The following KMT2A variants were observed in gnomAD, a reference collection of about 807,000 sequenced individuals.
KMT2A encodes the protein histone-lysine N-methyltransferase 2A.
In KMT2A, 16 loss-of-function variants were observed where a neutral mutation model predicts 345.3. The observed-to-expected ratio is 0.05, with a 90% CI of 0.03 to 0.07. The LOEUF is 0.07. KMT2A is among the 10% of genes least tolerant of loss of function. The probability of loss-of-function intolerance (pLI) is 1.00; values close to 1 mark genes in which losing one functional copy is unlikely to be tolerated. For synonymous variants in KMT2A, 1,599 were observed against 1,778.6 expected, an observed-to-expected ratio of 0.90 and a Z score of 2.54; for missense variants, 3,272 against 4,841.6, an observed-to-expected ratio of 0.68 and a Z score of 9.62.
intron 1 of KMT2A, among the ~76,000 whole-genome samples, chr11:118,459,252 G>A (rs1591361492): frequency 6.6e-6 from 1 of 152,116 alleles, no homozygotes; most frequent in Non-Finnish European, 1.5e-5. Flanking sequence ...ATTTTTGGTA[G>A]AGACAGGGTT....
chr11:118,484,234 C>T lies in KMT2A; in HGVS notation c.4138C>T (p.Leu1380Phe). Residue 1380 changes from leucine (L) to phenylalanine (F), a missense_variant, in exon 9 of 36, where the codon CTC becomes TTC. This residue lies in a region of KMT2A where 168 missense variants were observed against 216.0 expected (regional missense o/e 0.78). Transcript: ENST00000534358. The surrounding 1 kb of genome is among the most constrained non-coding windows in gnomAD (Gnocchi z 4.1). ...KQENAGTLNI[L>F]STLSNGNSSK... ...GGAGAATGCAGGCACTTTGAACATC[C>T]TCAGCACTCTCTCCAATGGCAATAG... 1 of 1,614,130 alleles carries T rather than the reference C, an allele frequency of 6.2e-7. No individual in the cohort carries two copies. The highest frequency in any genetic ancestry group is 8.5e-7 in the Non-Finnish European group (1 of 1,180,002).
Position 118,504,132 on chromosome 11 carries a change from A to G in KMT2A, c.8240A>G (p.Asn2747Ser), listed in dbSNP as rs782728249. The change falls in exon 27 of 36, where the codon AAT becomes AGT. Residue 2747 changes from asparagine (N) to serine (S), a missense_variant. Physicochemically the swap from Asn to Ser is conservative, Grantham distance 46 (BLOSUM62 1). Around this residue, in one of 27 missense-constraint regions of KMT2A, gnomAD observed 100 missense variants for 101.3 expected, o/e 0.99. Transcript: ENST00000534358. The surrounding 1 kb of genome is among the most constrained non-coding windows in gnomAD (Gnocchi z 6.4). ...AAAAGCAGCCAGATTCCAAAAAGAA[A>G]TGGTAAAGAAAATGGAACAGAGAAC... ...TRKSSQIPKR[N>S]GKENGTENLK... 6.2e-7 allele frequency: 1 copy of G among 1,614,230 alleles called. No individual in the cohort carries two copies. Among genetic ancestry groups the G allele is most frequent in the Non-Finnish European group, 8.5e-7 (1 of 1,180,046 alleles).
In KMT2A at chr11:118,510,250, C is replaced by T. The variant is rs1363839606; in HGVS notation, c.11071+132C>T. On this transcript the variant is annotated intron_variant, in intron 30 of 35. Coordinates refer to ENST00000534358, the MANE Select transcript of KMT2A (RefSeq NM_001197104.2). The surrounding 1 kb of genome is among the most constrained non-coding windows in gnomAD (Gnocchi z 4.1). ...TAGGGGGATACCTGGAGGCATCATA[C>T]ATTTTCCTTGTCCTTGAGAAGTTTG... 9.2e-6 allele frequency: 6 copies of T among 649,382 alleles called. No homozygotes were observed. Among genetic ancestry groups the T allele is most frequent in the Non-Finnish European group, 1.5e-5 (6 of 388,210 alleles). The allele number at this position is 649,382 out of a possible 1,614,324, so 40.2% of individuals were successfully genotyped here.
At chr11:118,471,144 A>G (rs1349205204) in intron 2 of KMT2A, among the ~76,000 whole-genome samples, 1 of 152,214 alleles carries the variant, frequency 6.6e-6, no homozygotes, top group Admixed American at 6.5e-5. Flanking sequence ...GGCAAAACAG[A>G]TTGAAATATG....
Position 118,498,547 on chromosome 11 carries a change from C to T in KMT2A, c.5961+19C>T, listed in dbSNP as rs782470415. The T allele has an allele frequency of 2.0e-6, 3 of 1,499,896 alleles. No homozygotes were observed. The highest frequency in any genetic ancestry group is 1.3e-5 in the South Asian group (1 of 77,850). The allele number at this position is 1,499,896 out of a possible 1,614,324, so 92.9% of individuals were successfully genotyped here. A position where few individuals can be genotyped will look rare whatever the true frequency, so the allele number is the denominator to read the frequency against. On this transcript the variant is annotated intron_variant, in intron 22 of 35. Coordinates refer to ENST00000534358, the MANE Select transcript of KMT2A (RefSeq NM_001197104.2). This position sits in a 1 kb window ranked among gnomAD's most constrained non-coding sequence, Gnocchi z 4.4. ...AGGCGAAGTGAGAGAGCTTTAGTTG[C>T]TTTAAAAAAAAAAAAAAAGACTTTT...
In KMT2A at chr11:118,505,841, G is replaced by C. The variant is rs2134408871; in HGVS notation, c.9949G>C (p.Ala3317Pro). The C allele has an allele frequency of 1.2e-6, 2 of 1,614,084 alleles. No individual in the cohort carries two copies. Among genetic ancestry groups the C allele is most frequent in the Non-Finnish European group, 1.7e-6 (2 of 1,179,992 alleles). ...QSVGGTAATA[A>P]GTSTISQDTS... is the part of the protein sequence containing the mutation. The stretch of plus-strand genomic sequence containing the variant: ...TGTGGGAGGAACTGCTGCCACAGCG[G>C]CAGGCACATCAACAATAAGCCAGGA... The change falls in exon 27 of 36, where the codon GCA becomes CCA. Residue 3317 changes from alanine to proline, a missense_variant. Ala to Pro is a conservative substitution (Grantham distance 27). Coordinates refer to ENST00000534358, the MANE Select transcript of KMT2A (RefSeq NM_001197104.2). This position sits in a 1 kb window ranked among gnomAD's most constrained non-coding sequence, Gnocchi z 4.6.
chr11:118,517,637 C>T (rs1404747367), intron 31 of KMT2A, among the ~76,000 whole-genome samples: 6 of 151,824 alleles, frequency 4.0e-5, no homozygotes, highest in Non-Finnish European at 7.4e-5. Flanking sequence ...GCCAGGAGTT[C>T]AAGATCAGCC....
chr11:118,462,178 TCCTGG>T (rs1949756819), intron 1 of KMT2A, among the ~76,000 whole-genome samples: 1 of 152,106 alleles, frequency 6.6e-6, no homozygotes, highest in Non-Finnish European at 1.5e-5. Flanking sequence ...GATCTCGAAC[TCCTGG>T]CCTCAGGTGA....
intron 3 of KMT2A, among the ~76,000 whole-genome samples, chr11:118,475,473 C>G (rs1555037313): frequency 6.6e-6 from 1 of 152,150 alleles, no homozygotes; most frequent in East Asian, 1.9e-4. Flanking sequence ...CCTGTAATCC[C>G]AGCACTTTGG....
At chr11:118,466,240 G>A (rs1949841756) in intron 1 of KMT2A, among the ~76,000 whole-genome samples, 1 of 152,116 alleles carries the variant, frequency 6.6e-6, no homozygotes, top group Non-Finnish European at 1.5e-5. Context: ...TAAGGCAGGA[G>A]CATTGCTAGA....
intron 1 of KMT2A, among the ~76,000 whole-genome samples, chr11:118,465,252 G>T (rs1949821918): frequency 6.6e-6 from 1 of 151,974 alleles, no homozygotes; most frequent in South Asian, 2.1e-4. Context: ...AGAAAAAAAA[G>T]AAATCTATGA....
chr11:118,445,685 A>G (rs1949403281), intron 1 of KMT2A, among the ~76,000 whole-genome samples: 1 of 152,228 alleles, frequency 6.6e-6, no homozygotes, highest in Non-Finnish European at 1.5e-5. Context: ...TAACTAGTAA[A>G]GAGTAGTGTG....
At chr11:118,513,087 A>G (rs1555050570) in intron 31 of KMT2A, among the ~76,000 whole-genome samples, 1 of 152,118 alleles carries the variant, frequency 6.6e-6, no homozygotes, top group Non-Finnish European at 1.5e-5. Context: ...AAAAATAAAA[A>G]TATATATTAG....
At position 118,473,027 on chromosome 11, in the gene KMT2A, A is replaced by G. The variant is rs1555036200; in HGVS notation, c.1868A>G (p.Lys623Arg). ...CCGACATTTAGGTGGACTTCTTTAA[A>G]GCATTCTAGGTCAGAGCCACAATAC... ...REPTFRWTSL[K>R]HSRSEPQYFS... The change falls in exon 3 of 36, where the codon AAG becomes AGG. Residue 623 changes from lysine to arginine, a missense_variant. Coordinates refer to ENST00000534358, the MANE Select transcript of KMT2A (RefSeq NM_001197104.2). This position sits in a 1 kb window ranked among gnomAD's most constrained non-coding sequence, Gnocchi z 5.2. 6.2e-7 allele frequency: 1 copy of G among 1,614,214 alleles called. No individual in the cohort carries two copies. The highest frequency in any genetic ancestry group is 1.7e-5 in the Admixed American group (1 of 60,016).
chr11:118,489,041 G>A lies in KMT2A; in HGVS notation c.4479+281G>A, dbSNP rs183166836. On this transcript the variant is annotated intron_variant, in intron 11 of 35. Coordinates refer to ENST00000534358, the MANE Select transcript of KMT2A (RefSeq NM_001197104.2). Reference sequence around the variant, plus strand: ...TTCGAGACCAGCCTGAGCCAACATGGTGAAACCCCATCTCTACTAAAAATA... The same window carrying A: ...TTCGAGACCAGCCTGAGCCAACATGATGAAACCCCATCTCTACTAAAAATA... Among the ~76,000 whole-genome samples the A allele has an allele frequency of 2.0e-5, 3 of 152,168 alleles. No individual in the cohort carries two copies. The East Asian group carries it at 5.8e-4, about 29-fold the overall frequency.
intron 1 of KMT2A, chr11:118,450,617 A>G (rs1396192891): frequency 6.6e-6 from 1 of 152,202 alleles, no homozygotes; most frequent in East Asian, 1.9e-4. Flanking sequence ...TTATTGTCTT[A>G]GCGCTCTTTA....
rs782097955 is a variant in KMT2A at position 118,495,777 on chromosome 11, A to G, written c.5441A>G (p.Asn1814Ser). The G allele has an allele frequency of 6.2e-7, 1 of 1,613,840 alleles. No homozygotes were observed. Among genetic ancestry groups the G allele is most frequent in the Non-Finnish European group, 8.5e-7 (1 of 1,179,952 alleles). ...GCTCAGTGGCAGGAGCGAGAGGAAA[A>G]CAGCCACACTGAGCAGCCTCCTTTA... The part of the protein sequence containing the change: ...NYAQWQEREE[N>S]SHTEQPPLMK... Residue 1814 changes from asparagine to serine, a missense_variant, in exon 19 of 36, where the codon AAC becomes AGC. Physicochemically the swap from Asn to Ser is conservative, Grantham distance 46. Coordinates refer to ENST00000534358, the MANE Select transcript of KMT2A (RefSeq NM_001197104.2). This position sits in a 1 kb window ranked among gnomAD's most constrained non-coding sequence, Gnocchi z 4.1.
Position 118,436,792 on chromosome 11 carries a change from T to C in KMT2A, c.280T>C (p.Ser94Pro), listed in dbSNP as rs368107581. 1 of 1,606,554 alleles carries C rather than the reference T, an allele frequency of 6.2e-7. No individual in the cohort carries two copies. The highest frequency in any genetic ancestry group is 1.3e-5 in the African/African-American group (1 of 74,538). ...CTCGTCGTCCGCCTCGTCTTCGTCT[T>C]CGTCATCGTCCTCAGCCTCTTCAGG... is the stretch of plus-strand genomic sequence containing the variant. ...ASSSSASSSS[S>P]SSSSASSGPA... is the part of the protein sequence containing the mutation. Residue 94 changes from serine (S) to proline (P), a missense_variant, in exon 1 of 36, where the codon TCG (serine) becomes CCG (proline). By Grantham distance (74) the Ser-to-Pro change is moderately conservative (BLOSUM62 -1). This residue lies in a region of KMT2A where 412 missense variants were observed against 511.0 expected (regional missense o/e 0.81). Transcript: ENST00000534358. This position sits in a 1 kb window ranked among gnomAD's most constrained non-coding sequence, Gnocchi z 6.9.
rs1949955032 is a variant in KMT2A, at chr11:118,472,200, T to C, written c.1041T>C (p.Val347=). ...TPPLTKEDKT[V]VRQSPRRIKP... ...CACTTACAAAAGAAGATAAGACAGT[T>C]GTCAGACAAAGCCCTCGAAGGATTA... is the stretch of plus-strand genomic sequence containing the variant. Residue 347 remains valine, a synonymous_variant, in exon 3 of 36, where the codon GTT becomes GTC. Coordinates refer to ENST00000534358, the MANE Select transcript of KMT2A (RefSeq NM_001197104.2). The C allele has an allele frequency of 1.2e-6, 2 of 1,613,702 alleles. No homozygotes were observed. The highest frequency in any genetic ancestry group is 2.7e-5 in the African/African-American group (2 of 74,816).
Sources: gnomAD v4.1 joint callset for allele counts (sites outside exome capture counted in the v4.1 genomes callset) on GRCh38, gnomAD v4.1.1 for gene constraint, gnomAD v4.1.1 regional missense constraint, Gnocchi (gnomAD v3.1) non-coding constraint, MANE v1.5 for transcripts, NCBI Gene and HGNC (gene_info 2026-07-23, HGNC 2026-07-21) for gene names.